Variants in SNTB1 observed in about 807,000 individuals in gnomAD.
SNTB1 encodes the protein beta-1-syntrophin.
SNTB1 carries 36 observed loss-of-function variants against 48.9 expected under a neutral mutation model. That is an observed-to-expected ratio of 0.74 (90% CI 0.56 to 0.97). The LOEUF (loss-of-function observed/expected upper bound fraction) is 0.97, where lower values mean the gene tolerates loss of function less well. Ranked by LOEUF, SNTB1 falls within the 50% of genes least tolerant of loss-of-function variation. SNTB1 has a pLI of 0.00. For missense variants in SNTB1, 786 were observed against 703.4 expected, an observed-to-expected ratio of 1.12 and a Z score of -1.33; for synonymous variants, 299 against 294.6, an observed-to-expected ratio of 1.01 and a Z score of -0.15.
chr8:120,747,484 T>A (rs916858172), intron 1 of SNTB1, among the ~76,000 whole-genome samples: 2 of 152,176 alleles, frequency 1.3e-5, no homozygotes, highest in East Asian at 3.9e-4. Context: ...AGAGATGGGG[T>A]TTTGCCATGT....
intron 3 of SNTB1, among the ~76,000 whole-genome samples, chr8:120,603,461 C>T (rs1202855202): frequency 6.6e-6 from 1 of 152,098 alleles, no homozygotes; most frequent in Non-Finnish European, 1.5e-5. Flanking sequence ...CTTTTTTTGA[C>T]AAGAATTGTT....
intron 3 of SNTB1, among the ~76,000 whole-genome samples, chr8:120,624,606 TC>T (rs1032267671): frequency 6.6e-6 from 1 of 152,036 alleles, no homozygotes; most frequent in Admixed American, 6.6e-5. Flanking sequence ...TTCCACGCCT[TC>T]CCCCAAAAAT....
intron 1 of SNTB1, among the ~76,000 whole-genome samples, chr8:120,709,770 C>T (rs1818434074): frequency 6.6e-6 from 1 of 152,006 alleles, no homozygotes; most frequent in African/African-American, 2.4e-5. Flanking sequence ...ATCTTTTCTC[C>T]CCAAAGAGCC....
intron 2 of SNTB1, among the ~76,000 whole-genome samples, chr8:120,638,736 C>A (rs1402484666): frequency 6.6e-6 from 1 of 152,142 alleles, no homozygotes; most frequent in African/African-American, 2.4e-5. Flanking sequence ...GACATGAACT[C>A]ATCTTTTTTA....
intron 5 of SNTB1, among the ~76,000 whole-genome samples, chr8:120,542,653 CA>C (rs761233006): frequency 6.6e-6 from 1 of 151,502 alleles, no homozygotes; most frequent in African/African-American, 2.4e-5. Flanking sequence ...GACTCTGTCT[CA>C]AAAAAAATTT....
chr8:120,609,076 C>A (rs940571213), intron 3 of SNTB1, among the ~76,000 whole-genome samples: 1 of 152,038 alleles, frequency 6.6e-6, no homozygotes, highest in Non-Finnish European at 1.5e-5. Flanking sequence ...GATTTTAGGT[C>A]ACATATGTGT....
chr8:120,720,667 T>C (rs1212282772), intron 1 of SNTB1, among the ~76,000 whole-genome samples: 2 of 152,218 alleles, frequency 1.3e-5, no homozygotes, highest in African/African-American at 2.4e-5. Flanking sequence ...AAACCCACAC[T>C]GTAAAAATGT....
intron 2 of SNTB1, among the ~76,000 whole-genome samples, chr8:120,641,305 G>T (rs1303413537): frequency 5.3e-5 from 8 of 152,042 alleles, no homozygotes; most frequent in Non-Finnish European, 1.2e-4. Context: ...CAACAATGGT[G>T]GTTATCAACT....
At chr8:120,661,244 C>T (rs1214381032) in intron 2 of SNTB1, among the ~76,000 whole-genome samples, 1 of 150,134 alleles carries the variant, frequency 6.7e-6, no homozygotes, top group Non-Finnish European at 1.5e-5. Flanking sequence ...AAGTGCAACA[C>T]AATGAAGTAT....
chr8:120,603,339 ATCC>A, intron 3 of SNTB1, among the ~76,000 whole-genome samples: 1 of 152,084 alleles, frequency 6.6e-6, no homozygotes, highest in Non-Finnish European at 1.5e-5. Flanking sequence ...GCCTCAAGTG[ATCC>A]ACCCGCCTTG....
chr8:120,625,272 GC>G (rs1816855725), intron 3 of SNTB1, among the ~76,000 whole-genome samples: 1 of 152,168 alleles, frequency 6.6e-6, no homozygotes, highest in South Asian at 2.1e-4. Context: ...GGCACAGGGG[GC>G]TTTCTATCTC....
At chr8:120,624,628 C>T (rs1359325943) in intron 3 of SNTB1, among the ~76,000 whole-genome samples, 3 of 152,162 alleles carry the variant, frequency 2.0e-5, no homozygotes, top group Admixed American at 2.0e-4. Flanking sequence ...TCATGTCCTC[C>T]TCACATGCAA....
intron 1 of SNTB1, among the ~76,000 whole-genome samples, chr8:120,703,765 G>T (rs911926686): frequency 2.0e-5 from 3 of 152,134 alleles, no homozygotes; most frequent in African/African-American, 7.2e-5. Context: ...AGAAGGCCAG[G>T]GTGGACCCAC....
At chr8:120,780,146 G>A (rs186490838) in intron 1 of SNTB1, among the ~76,000 whole-genome samples, 1 of 149,992 alleles carries the variant, frequency 6.7e-6, no homozygotes, top group East Asian at 2.0e-4. Context: ...CTATCACAAA[G>A]CCAACAAGGC....
intron 2 of SNTB1, among the ~76,000 whole-genome samples, chr8:120,644,539 C>T (rs1187017780): frequency 1.3e-5 from 2 of 152,144 alleles, no homozygotes; most frequent in African/African-American, 4.8e-5. Context: ...ATATGTGCCA[C>T]ATTTTCTTAA....
intron 2 of SNTB1, among the ~76,000 whole-genome samples, chr8:120,643,422 C>T (rs1817230516): frequency 1.3e-5 from 2 of 152,168 alleles, no homozygotes; most frequent in South Asian, 4.1e-4. Context: ...TCTCACCACC[C>T]TCCCACCCTT....
intron 5 of SNTB1, among the ~76,000 whole-genome samples, chr8:120,546,392 T>G (rs569655261): frequency 3.3e-5 from 5 of 152,350 alleles, no homozygotes; most frequent in African/African-American, 9.6e-5. Flanking sequence ...GGAGTACAAC[T>G]TAGCAAATGT....
intron 2 of SNTB1, among the ~76,000 whole-genome samples, chr8:120,644,196 T>C (rs1017661392): frequency 1.3e-5 from 2 of 151,630 alleles, no homozygotes; most frequent in African/African-American, 4.9e-5. Flanking sequence ...AGTTTTACGG[T>C]ACATGTGCAC....
intron 1 of SNTB1, among the ~76,000 whole-genome samples, chr8:120,724,275 G>A (rs916436490): frequency 6.6e-6 from 1 of 152,204 alleles, no homozygotes; most frequent in East Asian, 1.9e-4. Context: ...AGATGAGTGA[G>A]AGCCATGGGC....
Sources: allele counts gnomAD v4.1 joint callset (sites outside exome capture counted in the v4.1 genomes callset), GRCh38; gene constraint gnomAD v4.1.1; transcripts MANE v1.5; gene names NCBI Gene and HGNC (gene_info 2026-07-23, HGNC 2026-07-21).